SIPA1L1: variants seen among roughly 807,000 people sequenced by gnomAD.
SIPA1L1 encodes the protein signal induced proliferation associated 1 like 1, also known as signal-induced proliferation-associated 1-like protein 1.
SIPA1L1 carries 26 observed loss-of-function variants against 162.7 expected under a neutral mutation model. The observed-to-expected ratio is 0.16, with a 90% CI of 0.12 to 0.22. The LOEUF (loss-of-function observed/expected upper bound fraction) is 0.22, where lower values mean the gene tolerates loss of function less well. SIPA1L1 is among the 10% of genes least tolerant of loss of function. The pLI is 1.00. For missense variants in SIPA1L1, 1,874 were observed against 2,241.0 expected (o/e 0.84, Z 3.31); for synonymous variants, 829 against 837.4 (o/e 0.99, Z 0.17).
intron 17 of SIPA1L1, among the ~76,000 whole-genome samples, chr14:71,723,079 C>A (rs1439897750): frequency 6.6e-6 from 1 of 152,262 alleles, no homozygotes; most frequent in Non-Finnish European, 1.5e-5. Context: ...GTTTTGTAAT[C>A]TTTAACCGAT....
intron 12 of SIPA1L1, among the ~76,000 whole-genome samples, chr14:71,684,928 G>A (rs2046153998): frequency 6.6e-6 from 1 of 151,180 alleles, no homozygotes. Flanking sequence ...GCAGTGGCGG[G>A]TTGTGAAGCT....
chr14:71,404,528 T>C (rs925233394), intron 2 of SIPA1L1, among the ~76,000 whole-genome samples: 3 of 152,190 alleles, frequency 2.0e-5, no homozygotes, highest in Non-Finnish European at 2.9e-5. Context: ...CAGCCTGGGC[T>C]ACAGAGCCCA....
chr14:71,355,087 G>A (rs1169937519), intron 2 of SIPA1L1, among the ~76,000 whole-genome samples: 3 of 152,164 alleles, frequency 2.0e-5, no homozygotes, highest in Admixed American at 6.5e-5. Flanking sequence ...ACGTGTAAGC[G>A]ATCTTTATAA....
chr14:71,671,375 G>A lies in SIPA1L1; in HGVS notation c.2512G>A (p.Ala838Thr), dbSNP rs1242859762. Residue 838 changes from alanine (A) to threonine (T), a missense_variant, in exon 11 of 24, where the codon GCT (alanine) becomes ACT (threonine). Around this residue, in one of 5 missense-constraint regions of SIPA1L1, gnomAD observed 243 missense variants for 315.0 expected, o/e 0.77. Transcript: ENST00000381232. ...TGGCAAGTTTCCGTTCATCTCTCTG[G>A]CTTCCAAGAAGAAGGAAAAGTCTAA... ...PSGKFPFISL[A>T]SKKKEKSKPY... The A allele has an allele frequency of 1.2e-6, 2 of 1,614,046 alleles. No individual in the cohort carries two copies. The highest frequency in any genetic ancestry group is 2.7e-5 in the African/African-American group (2 of 74,906).
At chr14:71,512,238 T>C (rs976289270) in intron 2 of SIPA1L1, among the ~76,000 whole-genome samples, 2 of 152,038 alleles carry the variant, frequency 1.3e-5, no homozygotes, top group African/African-American at 4.8e-5. Flanking sequence ...CCTACAGGGG[T>C]CTGGGAAGTC....
chr14:71,431,679 G>T lies in SIPA1L1; in HGVS notation c.-464-81064G>T, dbSNP rs151280038. Among the ~76,000 whole-genome samples the T allele has an allele frequency of 2.6e-5, 4 of 152,124 alleles. No individual in the cohort carries two copies. The East Asian group carries it at 7.7e-4, about 29-fold the overall frequency. On this transcript the variant is annotated intron_variant, in intron 2 of 23. Coordinates refer to ENST00000381232, the MANE Select transcript of SIPA1L1 (RefSeq NM_001386936.1). ...ACTGTACTCCAGCCTGGGCAACAGA[G>T]GCAAGATAGTGTCTAGAAAATAAAT...
chr14:71,341,707 G>GT (rs1425274573), intron 2 of SIPA1L1, among the ~76,000 whole-genome samples: 7 of 152,042 alleles, frequency 4.6e-5, no homozygotes, highest in Non-Finnish European at 8.8e-5. Context: ...TCTTATGTCC[G>GT]TGAGTACCCA....
chr14:71,588,210 G>A lies in SIPA1L1; in HGVS notation c.338G>A (p.Ser113Asn). Reference sequence around the variant, plus strand: ...TGCCTTGATAGCCTGTCCTCCAAAAGCAGTCCTGTGAGTCAGGGAAGTTCT... The same window carrying A: ...TGCCTTGATAGCCTGTCCTCCAAAAACAGTCCTGTGAGTCAGGGAAGTTCT... ...SSCLDSLSSK[S>N]SPVSQGSSVS... Residue 113 changes from serine (S) to asparagine (N), a missense_variant, in exon 5 of 24, where the codon AGC (serine) becomes AAC (asparagine). Coordinates refer to ENST00000381232, the MANE Select transcript of SIPA1L1 (RefSeq NM_001386936.1). This position sits in a 1 kb window ranked among gnomAD's most constrained non-coding sequence, Gnocchi z 4.3. 1 of 1,614,124 alleles carries A rather than the reference G, an allele frequency of 6.2e-7. No homozygotes were observed. The highest frequency in any genetic ancestry group is 1.1e-5 in the South Asian group (1 of 91,080).
intron 4 of SIPA1L1, among the ~76,000 whole-genome samples, chr14:71,531,743 A>T (rs1020765475): frequency 1.3e-5 from 2 of 151,848 alleles, no homozygotes; most frequent in African/African-American, 4.8e-5. Flanking sequence ...AATTTTTTGT[A>T]TTTTTTGTCC....
chr14:71,613,118 G>A (rs1015135921), intron 5 of SIPA1L1, among the ~76,000 whole-genome samples: 4 of 152,028 alleles, frequency 2.6e-5, no homozygotes, highest in African/African-American at 4.8e-5. Flanking sequence ...ATTATGTCTC[G>A]TCTGACTAGA....
At chr14:71,596,832 A>G (rs563288710) in intron 5 of SIPA1L1, among the ~76,000 whole-genome samples, 5 of 152,112 alleles carry the variant, frequency 3.3e-5, no homozygotes, top group African/African-American at 1.2e-4. Context: ...TCTCTTTTGT[A>G]ATTTCAATTT....
chr14:71,433,478 A>G (rs1258964244), intron 2 of SIPA1L1, among the ~76,000 whole-genome samples: 1 of 152,096 alleles, frequency 6.6e-6, no homozygotes, highest in East Asian at 1.9e-4. Context: ...CACCACGCCC[A>G]ACTAATTTTT....
At chr14:71,470,035 A>G (rs1053068917) in intron 2 of SIPA1L1, among the ~76,000 whole-genome samples, 2 of 152,164 alleles carry the variant, frequency 1.3e-5, no homozygotes, top group Non-Finnish European at 2.9e-5. Context: ...ACCTGTGTCA[A>G]GGGAGCTTGA....
chr14:71,667,379 A>T (rs1454493111), intron 10 of SIPA1L1, among the ~76,000 whole-genome samples: 1 of 152,140 alleles, frequency 6.6e-6, no homozygotes, highest in Admixed American at 6.5e-5. Context: ...GGAGACTCAA[A>T]TCACTGGCTG....
intron 2 of SIPA1L1, among the ~76,000 whole-genome samples, chr14:71,382,592 T>C (rs180871542): frequency 1.3e-5 from 2 of 152,210 alleles, no homozygotes; most frequent in East Asian, 3.8e-4. Context: ...TCTTGACTTT[T>C]CTGTAGGAGT....
intron 2 of SIPA1L1, among the ~76,000 whole-genome samples, chr14:71,414,785 C>T (rs34454371): frequency 6.6e-6 from 1 of 152,088 alleles, no homozygotes; most frequent in Non-Finnish European, 1.5e-5. Flanking sequence ...GAGAAATGAT[C>T]AGATGATCTA....
chr14:71,395,568 C>T lies in SIPA1L1; in HGVS notation c.-465+74387C>T, dbSNP rs1481668373. On this transcript the variant is annotated intron_variant, in intron 2 of 23. Transcript: ENST00000381232. ...GTCCCAGCTACTGGGGGCTGAGGTG[C>T]GAGGATCACTTGAGTCCAGGAGTTT... 5.3e-5 allele frequency among the ~76,000 whole-genome samples: 8 copies of T among 152,196 alleles called. No individual in the cohort carries two copies. In the East Asian group the frequency reaches 7.7e-4, roughly 15 times the overall value.
chr14:71,725,821 C>T (rs1015818327), intron 19 of SIPA1L1, among the ~76,000 whole-genome samples: 1 of 152,204 alleles, frequency 6.6e-6, no homozygotes, highest in Non-Finnish European at 1.5e-5. Context: ...CTTCTGTTCT[C>T]TAGGTTCTTA....
intron 2 of SIPA1L1, among the ~76,000 whole-genome samples, chr14:71,469,231 AC>A (rs1240193171): frequency 6.6e-6 from 1 of 151,278 alleles, no homozygotes; most frequent in African/African-American, 2.4e-5. Flanking sequence ...TTCCCCAGCC[AC>A]CTAAACCAAG....
Sources: gnomAD v4.1 joint callset for allele counts (sites outside exome capture counted in the v4.1 genomes callset) on GRCh38, gnomAD v4.1.1 for gene constraint, gnomAD v4.1.1 regional missense constraint, Gnocchi (gnomAD v3.1) non-coding constraint, MANE v1.5 for transcripts, NCBI Gene and HGNC (gene_info 2026-07-23, HGNC 2026-07-21) for gene names.